Variants in CDH12 observed in about 807,000 individuals in gnomAD.
The protein encoded by CDH12 is cadherin 12, also known as cadherin-12.
A neutral mutation model predicts 74.1 loss-of-function variants in CDH12; 41 were observed. The observed-to-expected ratio is 0.55, with a 90% confidence interval of 0.43 to 0.72. CDH12 has a LOEUF of 0.72. Ranked by LOEUF, CDH12 falls within the 30% of genes least tolerant of loss-of-function variation. The pLI is 0.00. For missense variants in CDH12, 945 were observed against 977.2 expected (o/e 0.97, Z 0.44); for synonymous variants, 399 against 355.0 (o/e 1.12, Z -1.39).
rs186785084 is a variant in CDH12, at chr5:22,646,418, A to G, written c.-522-141054T>C. On this transcript the variant is annotated intron_variant, in intron 1 of 14. Transcript: ENST00000382254. ...GTTTTCAATTACTGAAGAAGCACCA[A>G]ATGAACAAAAGAAAATTTCTGAATT... 1.5e-3 allele frequency among the ~76,000 whole-genome samples: 230 copies of G among 151,954 alleles called. 1 individual carries two copies. Among genetic ancestry groups the G allele is most frequent in the African/African-American group, 5.1e-3 (211 of 41,532 alleles).
chr5:22,648,057 C>T (rs559322670), intron 1 of CDH12, among the ~76,000 whole-genome samples: 194 of 151,918 alleles, frequency 1.3e-3, no homozygotes, highest in African/African-American at 4.5e-3. Context: ...CAGTAATTCA[C>T]TTTGTTATGA....
chr5:22,075,716 G>A (rs1385519958), intron 5 of CDH12, among the ~76,000 whole-genome samples: 1 of 151,982 alleles, frequency 6.6e-6, no homozygotes, highest in Non-Finnish European at 1.5e-5. Flanking sequence ...AAGTTTTGGG[G>A]GAGTCAAAAG....
intron 5 of CDH12, among the ~76,000 whole-genome samples, chr5:22,065,533 T>C (rs767194174): frequency 6.6e-6 from 1 of 152,088 alleles, no homozygotes. Flanking sequence ...TCACTAACAA[T>C]GGAAGACAAA....
intron 6 of CDH12, among the ~76,000 whole-genome samples, chr5:21,954,921 C>A: frequency 6.6e-6 from 1 of 151,932 alleles, no homozygotes; most frequent in Non-Finnish European, 1.5e-5. Context: ...GATAGATGAA[C>A]GTTGTGTGAG....
intron 3 of CDH12, among the ~76,000 whole-genome samples, chr5:22,374,890 A>G (rs538884030): frequency 6.6e-6 from 1 of 152,248 alleles, no homozygotes; most frequent in African/African-American, 2.4e-5. Context: ...GCTCAAAGCA[A>G]TCTACAGATT....
chr5:21,949,509 G>A (rs1407054323), intron 6 of CDH12, among the ~76,000 whole-genome samples: 1 of 151,500 alleles, frequency 6.6e-6, no homozygotes, highest in East Asian at 1.9e-4. Flanking sequence ...GGTCCTTCAC[G>A]AGGCATTTCA....
intron 1 of CDH12, among the ~76,000 whole-genome samples, chr5:22,820,050 T>C (rs536224958): frequency 6.7e-6 from 1 of 148,386 alleles, no homozygotes; most frequent in South Asian, 2.1e-4. Context: ...TATATACATA[T>C]ACATTGAGAC....
chr5:22,696,196 C>T (rs1742348749), intron 1 of CDH12, among the ~76,000 whole-genome samples: 2 of 151,936 alleles, frequency 1.3e-5, no homozygotes, highest in South Asian at 2.1e-4. Context: ...ATGAAACCCA[C>T]GTCTCTACTG....
intron 11 of CDH12, among the ~76,000 whole-genome samples, chr5:21,775,199 G>A (rs966847713): frequency 6.6e-6 from 1 of 152,174 alleles, no homozygotes; most frequent in African/African-American, 2.4e-5. Context: ...GCCAAATTAA[G>A]GAGAATATTT....
intron 9 of CDH12, among the ~76,000 whole-genome samples, chr5:21,804,644 A>AAAAATG (rs778217983): frequency 1.8e-5 from 1 of 56,482 alleles, no homozygotes; most frequent in East Asian, 6.5e-4. Context: ...GTGAATTAAA[A>AAAAATG]CACACACACA....
rs533169003 is a variant in CDH12 at position 22,339,386 on chromosome 5, G to T, written c.-333+65871C>A. ...AGGAGGTAATATACTTATATCATGG[G>T]GTTGCTGTAGAGGTTAATTCAGTTA... is the stretch of plus-strand genomic sequence containing the variant. On this transcript the variant is annotated intron_variant, in intron 3 of 14. Coordinates refer to ENST00000382254, the MANE Select transcript of CDH12 (RefSeq NM_004061.5). Among the ~76,000 whole-genome samples the T allele has an allele frequency of 8.5e-5, 13 of 152,196 alleles. 1 individual carries two copies. The South Asian group carries it at 2.5e-3, about 29-fold the overall frequency.
At chr5:22,036,265 G>A (rs1185102092) in intron 5 of CDH12, among the ~76,000 whole-genome samples, 3 of 152,162 alleles carry the variant, frequency 2.0e-5, no homozygotes, top group Non-Finnish European at 4.4e-5. Flanking sequence ...AGGGTCATGT[G>A]AAATGCTAAA....
In CDH12 at chr5:21,949,893, GT is replaced by G. The variant is rs925540120; in HGVS notation, c.526+25197del. On this transcript the variant is annotated intron_variant, in intron 6 of 14. Transcript: ENST00000382254. ...GTTTAATGTATTTTGAAAGAAAGAA[GT>G]TTTTTTTACAAATTTTATAAATTCA... is the stretch of plus-strand genomic sequence containing the variant. Among the ~76,000 whole-genome samples the G allele has an allele frequency of 5.3e-5, 8 of 152,056 alleles. 1 individual carries two copies. The highest frequency in any genetic ancestry group is 1.3e-4 in the Admixed American group (2 of 15,260).
At chr5:22,475,378 T>C (rs961368418) in intron 2 of CDH12, among the ~76,000 whole-genome samples, 14 of 152,032 alleles carry the variant, frequency 9.2e-5, no homozygotes, top group Non-Finnish European at 1.8e-4. Context: ...TAGGAAATGA[T>C]TTAATATACC....
intron 1 of CDH12, among the ~76,000 whole-genome samples, chr5:22,561,508 T>A (rs1255583906): frequency 1.3e-5 from 2 of 151,960 alleles, no homozygotes; most frequent in African/African-American, 4.8e-5. Context: ...AAATCTGTAT[T>A]TTTTTTTCCA....
At chr5:22,019,906 A>G (rs1737853778) in intron 5 of CDH12, among the ~76,000 whole-genome samples, 1 of 152,166 alleles carries the variant, frequency 6.6e-6, no homozygotes, top group East Asian at 1.9e-4. Flanking sequence ...CTTCCAAGAA[A>G]TGCCTGCACT....
At chr5:22,109,089 G>T (rs1306158688) in intron 4 of CDH12, among the ~76,000 whole-genome samples, 2 of 151,974 alleles carry the variant, frequency 1.3e-5, no homozygotes, top group Non-Finnish European at 2.9e-5. Context: ...CTTTATAAGG[G>T]GCTGATCATC....
chr5:22,681,226 G>GCT (rs1741468326), intron 1 of CDH12, among the ~76,000 whole-genome samples: 1 of 38,292 alleles, frequency 2.6e-5, no homozygotes, highest in South Asian at 8.4e-4. Flanking sequence ...TGGGTATTGG[G>GCT]GGGTGTGTGT....
intron 2 of CDH12, among the ~76,000 whole-genome samples, chr5:22,422,490 A>T (rs1056098235): frequency 1.3e-5 from 2 of 152,014 alleles, no homozygotes; most frequent in Non-Finnish European, 2.9e-5. Context: ...TTTTTTGAAG[A>T]TATTTGCATT....
Sources: gnomAD v4.1 joint callset for allele counts (sites outside exome capture counted in the v4.1 genomes callset) on GRCh38, gnomAD v4.1.1 for gene constraint, MANE v1.5 for transcripts, NCBI Gene and HGNC (gene_info 2026-07-23, HGNC 2026-07-21) for gene names.